Variants in CARS1 observed in about 807,000 individuals in gnomAD.
CARS1 encodes cysteinyl-tRNA synthetase 1.
A neutral mutation model predicts 106.2 loss-of-function variants in CARS1; 48 were observed. The ratio of observed to expected loss-of-function variants is 0.45; its 90% confidence interval spans 0.36 to 0.57. The LOEUF is 0.57. Ranked by LOEUF, CARS1 falls within the 20% of genes least tolerant of loss-of-function variation. The pLI, the probability that CARS1 is intolerant of heterozygous loss-of-function variation, is 0.00. For missense variants in CARS1, 968 were observed against 1,057.2 expected (o/e 0.92, Z 1.17); for synonymous variants, 409 against 403.4 (o/e 1.01, Z -0.17).
At position 3,019,280 on chromosome 11, in the gene CARS1, G is replaced by T; in HGVS notation, c.1267-13C>A. 1.4e-6 allele frequency: 2 copies of T among 1,404,790 alleles called. No homozygotes were observed. The highest frequency in any genetic ancestry group is 1.9e-6 in the Non-Finnish European group (2 of 1,071,118). The allele number at this position is 1,404,790 out of a possible 1,614,324, so 87.0% of individuals were successfully genotyped here. ...AGCCCGGACGACCCTGGAGAAAGCC[G>T]AACACACAGTGACTGACCAGCCTAC... On this transcript the variant is annotated splice_polypyrimidine_tract_variant and intron_variant, in intron 11 of 22. Transcript: ENST00000380525. The surrounding 1 kb of genome is among the most constrained non-coding windows in gnomAD (Gnocchi z 6.2).
At position 3,039,140 on chromosome 11, in the gene CARS1, C is replaced by T; in HGVS notation, c.651+54G>A. 2 of 1,133,608 alleles carry T rather than the reference C, an allele frequency of 1.8e-6. No homozygotes were observed. Among genetic ancestry groups the T allele is most frequent in the South Asian group, 1.3e-5 (1 of 79,772 alleles). 70.2% of individuals were successfully genotyped at this position (1,133,608 alleles called of 1,614,324 possible). On this transcript the variant is annotated intron_variant, in intron 6 of 22. Coordinates refer to ENST00000380525, the MANE Select transcript of CARS1 (RefSeq NM_001014437.3). The surrounding 1 kb of genome is among the most constrained non-coding windows in gnomAD (Gnocchi z 5.6). ...CCTAGGGACAGTAGCCTACAAAGGA[C>T]CGAGAACAGAAAGCAAAGGGCTCGG...
Position 3,047,729 on chromosome 11 carries a change from C to T in CARS1, c.274+24G>A, listed in dbSNP as rs1418497124. The T allele has an allele frequency of 1.9e-6, 3 of 1,590,218 alleles. No homozygotes were observed. In the Admixed American group the frequency reaches 5.2e-5, roughly 28 times the overall value. ...ACCTTGGGAGAGAGGTTCTAATGGC[C>T]AGGGAACCCACTCTGTTACTCACTT... On this transcript the variant is annotated intron_variant, in intron 2 of 22. Coordinates refer to ENST00000380525, the MANE Select transcript of CARS1 (RefSeq NM_001014437.3).
chr11:3,020,253 G>T lies in CARS1; in HGVS notation c.1233C>A (p.Pro411=). ...AAGGGCACGGCCAGGACGGTTCTCC[G>T]GGCTTAGAGGCCTTCCATAAGGCAA... ...NDFALWKASK[P]GEPSWPCPWG... Residue 411 remains proline (P), a synonymous_variant, in exon 11 of 23, where the codon CCC becomes CCA. Coordinates refer to ENST00000380525, the MANE Select transcript of CARS1 (RefSeq NM_001014437.3). This position sits in a 1 kb window ranked among gnomAD's most constrained non-coding sequence, Gnocchi z 4.6. 1 of 1,612,864 alleles carries T rather than the reference G, an allele frequency of 6.2e-7. No individual in the cohort carries two copies. Among genetic ancestry groups the T allele is most frequent in the African/African-American group, 1.3e-5 (1 of 75,002 alleles).
At position 3,019,936 on chromosome 11, in the gene CARS1, A is replaced by C; in HGVS notation, c.1266+284T>G. 6.6e-6 allele frequency among the ~76,000 whole-genome samples: 1 copy of C among 152,176 alleles called. No individual in the cohort carries two copies. The highest frequency in any genetic ancestry group is 2.4e-5 in the African/African-American group (1 of 41,448). Reference sequence around the variant, plus strand: ...GGGCCTGGAATACTCAGAGTCACAGAACACAAGAACCAAGAAGCCTCCATG... The same window carrying C: ...GGGCCTGGAATACTCAGAGTCACAGCACACAAGAACCAAGAAGCCTCCATG... On this transcript the variant is annotated intron_variant, in intron 11 of 22. Transcript: ENST00000380525. The surrounding 1 kb of genome is among the most constrained non-coding windows in gnomAD (Gnocchi z 6.2).
chr11:3,038,328 C>T lies in CARS1; in HGVS notation c.652-129G>A. ...CCATAGAGATAGAGAAGTGTGCAAC[C>T]CAAGTGGCCAGGCAGTAAGGAACTA... On this transcript the variant is annotated intron_variant, in intron 6 of 22. Transcript: ENST00000380525. The surrounding 1 kb of genome is among the most constrained non-coding windows in gnomAD (Gnocchi z 4.0). The T allele has an allele frequency of 1.2e-6, 1 of 834,824 alleles. No homozygotes were observed. Among genetic ancestry groups the T allele is most frequent in the South Asian group, 1.6e-5 (1 of 61,806 alleles). The allele number at this position is 834,824 out of a possible 1,614,324, so 51.7% of individuals were successfully genotyped here. A position where few individuals can be genotyped will look rare whatever the true frequency, so the allele number is the denominator to read the frequency against.
At chr11:3,007,570 G>C (rs1304697970) in intron 18 of CARS1, 1 of 152,740 alleles carries the variant, frequency 6.5e-6, no homozygotes, top group African/African-American at 2.4e-5. Flanking sequence ...GTAAAGGCGG[G>C]GCTGAGCGGT....
At chr11:3,023,918 A>T (rs1851804492) in intron 10 of CARS1, among the ~76,000 whole-genome samples, 3 of 150,260 alleles carry the variant, frequency 2.0e-5, no homozygotes, top group African/African-American at 4.9e-5. Flanking sequence ...TTTGAGATGG[A>T]CTCTTGCTCT....
At chr11:3,001,924 G>A (rs377330257) in intron 22 of CARS1, 46 bp downstream of exon 22, 24 of 1,365,108 alleles carry the variant, frequency 1.8e-5, no homozygotes, top group African/African-American at 2.9e-5. Flanking sequence ...CTTTAATGTG[G>A]TCTGATCAAG....
rs1854169330 is a variant in CARS1 at position 3,039,691 on chromosome 11, T to A, written c.552+144A>T. On this transcript the variant is annotated intron_variant, in intron 5 of 22. Coordinates refer to ENST00000380525, the MANE Select transcript of CARS1 (RefSeq NM_001014437.3). This position sits in a 1 kb window ranked among gnomAD's most constrained non-coding sequence, Gnocchi z 5.6. ...ATATCAGTAGCAGAAGTGGTAATAT[T>A]AACTCACTGAGGGGATTAAAATGAT... The A allele has an allele frequency of 1.8e-6, 1 of 566,150 alleles. No homozygotes were observed. The highest frequency in any genetic ancestry group is 1.9e-5 in the African/African-American group (1 of 51,710). 35.1% of individuals were successfully genotyped at this position (566,150 alleles called of 1,614,324 possible). A position where few individuals can be genotyped will look rare whatever the true frequency, so the allele number is the denominator to read the frequency against.
Position 3,039,963 on chromosome 11 carries a change from C to T in CARS1, c.456-32G>A. On this transcript the variant is annotated intron_variant, in intron 4 of 22. Transcript: ENST00000380525. This position sits in a 1 kb window ranked among gnomAD's most constrained non-coding sequence, Gnocchi z 5.6. ...CAATGAAAAAACAAACATTTCCACA[C>T]CAGACGATATGTATAGCTTAACCTC... 1 of 1,139,642 alleles carries T rather than the reference C, an allele frequency of 8.8e-7. No individual in the cohort carries two copies. The highest frequency in any genetic ancestry group is 1.3e-6 in the Non-Finnish European group (1 of 772,418). The allele number at this position is 1,139,642 out of a possible 1,614,324, so 70.6% of individuals were successfully genotyped here.
intron 7 of CARS1, among the ~76,000 whole-genome samples, chr11:3,032,709 G>C (rs575173161): frequency 1.1e-4 from 17 of 152,058 alleles, no homozygotes; most frequent in African/African-American, 3.4e-4. Context: ...GCAAAACTAC[G>C]GAGACAGTAG....
At chr11:3,002,380 G>T in intron 21 of CARS1, 161 bp downstream of exon 21, 2 of 1,364,270 alleles carry the variant, frequency 1.5e-6, no homozygotes, top group Non-Finnish European at 2.0e-6. Flanking sequence ...TGTGAGAAGG[G>T]CCTGGCAGGC....
At position 3,026,776 on chromosome 11, in the gene CARS1, G is replaced by C. The variant is rs769010895; in HGVS notation, c.1053C>G (p.Val351=). Residue 351 remains valine, a synonymous_variant, in exon 10 of 23, where the codon GTC becomes GTG. Coordinates refer to ENST00000380525, the MANE Select transcript of CARS1 (RefSeq NM_001014437.3). ...NGYGYVSNGS[V]YFDTAKFASS... is the part of the protein sequence containing the mutation. ...AAGCAAACTTCGCTGTATCAAAGTA[G>C]ACAGACCCATTGGAGACATAGCTGG... 14 of 1,613,136 alleles carry C rather than the reference G, an allele frequency of 8.7e-6. No individual in the cohort carries two copies. The highest frequency in any genetic ancestry group is 1.3e-5 in the African/African-American group (1 of 74,926).
intron 18 of CARS1, among the ~76,000 whole-genome samples, chr11:3,011,569 G>A (rs1342364606): frequency 1.3e-5 from 2 of 152,138 alleles, no homozygotes; most frequent in African/African-American, 2.4e-5. Flanking sequence ...AGCCGAGATC[G>A]CGCCACTGCA....
intron 17 of CARS1, among the ~76,000 whole-genome samples, chr11:3,015,540 G>A (rs1202823860): frequency 1.3e-5 from 2 of 152,234 alleles, no homozygotes; most frequent in African/African-American, 4.8e-5. Context: ...AAGCTCATGG[G>A]ACAGCACAAT....
Position 3,039,799 on chromosome 11 carries a change from T to C in CARS1, c.552+36A>G, listed in dbSNP as rs376806991. On this transcript the variant is annotated intron_variant, in intron 5 of 22. Transcript: ENST00000380525. This position sits in a 1 kb window ranked among gnomAD's most constrained non-coding sequence, Gnocchi z 5.6. ...TTCTATCTTCTTTTACACCATCCAA[T>C]TGCATTTAAAATTTAATCTTACAAA... is the stretch of plus-strand genomic sequence containing the variant. 24 of 1,085,288 alleles carry C rather than the reference T, an allele frequency of 2.2e-5. No individual in the cohort carries two copies. In the African/African-American group the frequency reaches 3.2e-4, roughly 14 times the overall value. The allele number at this position is 1,085,288 out of a possible 1,614,324, so 67.2% of individuals were successfully genotyped here.
rs1854855275 is a variant in CARS1 at position 3,044,364 on chromosome 11, C to T, written c.275-2108G>A. Among the ~76,000 whole-genome samples the T allele has an allele frequency of 6.6e-6, 1 of 152,114 alleles. No individual in the cohort carries two copies. The highest frequency in any genetic ancestry group is 2.4e-5 in the African/African-American group (1 of 41,434). ...GTTACCAGGCCCAGATATACAAATTCAGATTTGCAAAAGGGAAGAACTGAG... is the reference window on the plus strand; with the variant it reads ...GTTACCAGGCCCAGATATACAAATTTAGATTTGCAAAAGGGAAGAACTGAG... On this transcript the variant is annotated intron_variant, in intron 2 of 22. Coordinates refer to ENST00000380525, the MANE Select transcript of CARS1 (RefSeq NM_001014437.3). The surrounding 1 kb of genome is among the most constrained non-coding windows in gnomAD (Gnocchi z 4.4).
chr11:3,017,186 C>T lies in CARS1; in HGVS notation c.1837G>A (p.Ala613Thr), dbSNP rs771104546. Residue 613 changes from alanine to threonine, a missense_variant, in exon 16 of 23, where the codon GCA becomes ACA. Physicochemically the swap from Ala to Thr is moderately conservative, Grantham distance 58. Transcript: ENST00000380525. This position sits in a 1 kb window ranked among gnomAD's most constrained non-coding sequence, Gnocchi z 4.9. ...ALVSQCNLYM[A>T]ARKAVRKRPN... The stretch of plus-strand genomic sequence containing the variant: ...CTCTTCCTCACGGCTTTCCGGGCTG[C>T]CATATAGAGGTTGCACTGACTGACC... 8 of 1,614,178 alleles carry T rather than the reference C, an allele frequency of 5.0e-6. No homozygotes were observed. Among genetic ancestry groups the T allele is most frequent in the Non-Finnish European group, 6.8e-6 (8 of 1,180,006 alleles).
At chr11:3,042,356 T>C (rs1854576965) in intron 2 of CARS1, 100 bp from the exon 3 acceptor site, 2 of 754,510 alleles carry the variant, frequency 2.7e-6, no homozygotes, top group South Asian at 3.3e-5. Flanking sequence ...GGGACCATAG[T>C]TTTCCATGAA....
Sources: gnomAD v4.1 joint callset for allele counts (sites outside exome capture counted in the v4.1 genomes callset) on GRCh38, gnomAD v4.1.1 for gene constraint, Gnocchi (gnomAD v3.1) non-coding constraint, MANE v1.5 for transcripts, NCBI Gene and HGNC (gene_info 2026-07-23, HGNC 2026-07-21) for gene names.